ARNT2: variants seen among roughly 807,000 people sequenced by gnomAD.
ARNT2 encodes ARNT protein 2.
ARNT2 carries 36 observed loss-of-function variants against 91.7 expected under a neutral mutation model. The observed-to-expected ratio is 0.39, with a 90% CI of 0.30 to 0.52. The LOEUF is 0.52. Among genes scored for constraint, ARNT2 ranks in the 20% least tolerant of loss-of-function variants. The pLI is 0.72. For synonymous variants in ARNT2, 365 were observed against 347.1 expected (o/e 1.05, Z -0.57); for missense variants, 775 against 939.3 (o/e 0.83, Z 2.29).
intron 2 of ARNT2, among the ~76,000 whole-genome samples, chr15:80,454,046 C>T (rs1896445117): frequency 1.3e-5 from 2 of 152,236 alleles, no homozygotes; most frequent in African/African-American, 2.4e-5. Context: ...GTTTAACTTT[C>T]TTCCCATTTC....
chr15:80,413,432 G>A (rs886248330), intron 1 of ARNT2, among the ~76,000 whole-genome samples: 11 of 152,216 alleles, frequency 7.2e-5, no homozygotes, highest in South Asian at 2.1e-4. Flanking sequence ...GAGAGCATGC[G>A]GCCAGGTGAT....
chr15:80,548,228 G>A (rs1898021408), intron 8 of ARNT2, among the ~76,000 whole-genome samples: 1 of 152,086 alleles, frequency 6.6e-6, no homozygotes, highest in South Asian at 2.1e-4. Context: ...ATTAACCAAG[G>A]CATTAAAGAG....
At chr15:80,536,528 G>A (rs1314789084) in intron 8 of ARNT2, among the ~76,000 whole-genome samples, 1 of 152,202 alleles carries the variant, frequency 6.6e-6, no homozygotes, top group Non-Finnish European at 1.5e-5. Context: ...CACAGCTGCT[G>A]ATATTCACCC....
chr15:80,502,134 A>G (rs1182385730), intron 5 of ARNT2, among the ~76,000 whole-genome samples: 4 of 152,232 alleles, frequency 2.6e-5, no homozygotes, highest in Admixed American at 2.6e-4. Context: ...TAGGACATCA[A>G]GAATTCTGAC....
chr15:80,577,885 A>G (rs571059284), intron 15 of ARNT2, among the ~76,000 whole-genome samples: 1 of 152,276 alleles, frequency 6.6e-6, no homozygotes, highest in African/African-American at 2.4e-5. Context: ...CACTGCTCTG[A>G]GGCTCTGGGG....
In ARNT2 at chr15:80,404,980, A is replaced by G. The variant is rs1595948599; in HGVS notation, c.31+434A>G. 6.6e-6 allele frequency among the ~76,000 whole-genome samples: 1 copy of G among 152,078 alleles called. No individual in the cohort carries two copies. Among genetic ancestry groups the G allele is most frequent in the East Asian group, 1.9e-4 (1 of 5,146 alleles). On this transcript the variant is annotated intron_variant, in intron 1 of 18. Coordinates refer to ENST00000303329, the MANE Select transcript of ARNT2 (RefSeq NM_014862.4). The surrounding 1 kb of genome is among the most constrained non-coding windows in gnomAD (Gnocchi z 5.5). ...GGGAAAAGTTTGGAGCTGGGATTCA[A>G]CAGGGTACAACTCCCGGGACTCTCC... is the stretch of plus-strand genomic sequence containing the variant.
At chr15:80,533,866 G>A (rs1431974081) in intron 8 of ARNT2, among the ~76,000 whole-genome samples, 1 of 152,210 alleles carries the variant, frequency 6.6e-6, no homozygotes, top group Non-Finnish European at 1.5e-5. Flanking sequence ...CCCCAAGAGG[G>A]ACAGTTGTTG....
intron 5 of ARNT2, among the ~76,000 whole-genome samples, chr15:80,481,673 T>C (rs1896892201): frequency 1.3e-5 from 2 of 152,174 alleles, no homozygotes; most frequent in Non-Finnish European, 2.9e-5. Flanking sequence ...TGATTGTGCC[T>C]CTACACTCGA....
intron 1 of ARNT2, among the ~76,000 whole-genome samples, chr15:80,449,190 G>T (rs1896351274): frequency 1.3e-5 from 2 of 152,128 alleles, no homozygotes; most frequent in Admixed American, 1.3e-4. Context: ...CAAGAAAGGG[G>T]GTAAGTGCAC....
At chr15:80,534,341 A>T (rs1170153512) in intron 8 of ARNT2, among the ~76,000 whole-genome samples, 1 of 152,208 alleles carries the variant, frequency 6.6e-6, no homozygotes, top group Non-Finnish European at 1.5e-5. Context: ...TTTTTAAGAA[A>T]ATGATTACAA....
At chr15:80,520,078 C>T (rs928989366) in intron 8 of ARNT2, among the ~76,000 whole-genome samples, 1 of 151,464 alleles carries the variant, frequency 6.6e-6, no homozygotes, top group East Asian at 1.9e-4. Context: ...ACCCAGTTCC[C>T]AGTTTGACTT....
chr15:80,552,765 C>G lies in ARNT2; in HGVS notation c.1080C>G (p.Tyr360Ter). The change falls in exon 10 of 19, where the codon TAC (tyrosine) becomes TAG (stop). Residue 360 changes from tyrosine to a stop codon, truncating the protein, a stop_gained. Transcript: ENST00000303329. LOFTEE classifies it high-confidence loss of function. The stretch of plus-strand genomic sequence containing the variant: ...CAAGATGTATCAGTGTGATTGGCTA[C>G]CAACCCCAGGTGAGTAGATAGTTTT... ...VDPRCISVIG[Y>*]QPQDLLGKDI... The G allele has an allele frequency of 6.2e-7, 1 of 1,613,968 alleles. No individual in the cohort carries two copies. The highest frequency in any genetic ancestry group is 8.5e-7 in the Non-Finnish European group (1 of 1,179,918).
chr15:80,429,857 C>T (rs962579803), intron 1 of ARNT2, among the ~76,000 whole-genome samples: 1 of 152,188 alleles, frequency 6.6e-6, no homozygotes, highest in African/African-American at 2.4e-5. Context: ...CCCAACTAAG[C>T]TCTGTACCAC....
At chr15:80,563,275 C>T (rs1463775847) in intron 12 of ARNT2, 36 bp downstream of exon 12, 8 of 1,612,074 alleles carry the variant, frequency 5.0e-6, no homozygotes, top group Non-Finnish European at 5.9e-6. Flanking sequence ...CTGGAATCCA[C>T]ATGCGCTTGC....
rs146764503 is a variant in ARNT2, at chr15:80,470,558, A to G, written c.408+127A>G. The G allele has an allele frequency of 2.5e-5, 27 of 1,086,718 alleles. No individual in the cohort carries two copies. In the East Asian group the frequency reaches 3.6e-4, roughly 15 times the overall value. 67.3% of individuals were successfully genotyped at this position (1,086,718 alleles called of 1,614,324 possible). A position where few individuals can be genotyped will look rare whatever the true frequency, so the allele number is the denominator to read the frequency against. ...AATGAAGCCAACATGTTTTGTTTCCATTTTTCTCCAAGAAGCTGTCTTCAA... is the reference window on the plus strand; with the variant it reads ...AATGAAGCCAACATGTTTTGTTTCCGTTTTTCTCCAAGAAGCTGTCTTCAA... On this transcript the variant is annotated intron_variant, in intron 4 of 18. Coordinates refer to ENST00000303329, the MANE Select transcript of ARNT2 (RefSeq NM_014862.4).
At chr15:80,514,846 A>T (rs1020056530) in intron 8 of ARNT2, among the ~76,000 whole-genome samples, 2 of 152,170 alleles carry the variant, frequency 1.3e-5, no homozygotes, top group Non-Finnish European at 2.9e-5. Context: ...AGATTTCGCC[A>T]CTGTATTCCA....
chr15:80,466,385 A>G (rs1228369595), intron 3 of ARNT2, among the ~76,000 whole-genome samples: 1 of 152,138 alleles, frequency 6.6e-6, no homozygotes, highest in East Asian at 1.9e-4. Context: ...TGTCTTTGAA[A>G]CTGACAGCTC....
At chr15:80,562,979 C>T in intron 11 of ARNT2, 109 bp from the exon 12 acceptor site, 2 of 1,232,212 alleles carry the variant, frequency 1.6e-6, no homozygotes, top group Non-Finnish European at 2.4e-6. Flanking sequence ...TGCCCCTATT[C>T]TGAGGTCCTG....
chr15:80,522,760 C>CATATATATATATAT lies in ARNT2; in HGVS notation c.877+8362_877+8375dup, dbSNP rs60138286. 6.9e-3 allele frequency among the ~76,000 whole-genome samples: 994 copies of CATATATATATATAT among 144,452 alleles called. 9 individuals carry two copies. Among genetic ancestry groups the CATATATATATATAT allele is most frequent in the African/African-American group, 0.024 (938 of 38,794 alleles). The allele number at this position is 144,452 out of a possible 152,430, so 94.8% of individuals were successfully genotyped here. On this transcript the variant is annotated intron_variant, in intron 8 of 18. Transcript: ENST00000303329. Reference sequence around the variant, plus strand: ...TAATGACTGTGTGACTGTACATACACATATATATATATATATATATCTGTT... The same window carrying CATATATATATATAT: ...TAATGACTGTGTGACTGTACATACACATATATATATATATATATATATATATATATATATCTGTT...
Sources: gnomAD v4.1 joint callset for allele counts (sites outside exome capture counted in the v4.1 genomes callset) on GRCh38, gnomAD v4.1.1 for gene constraint, Gnocchi (gnomAD v3.1) non-coding constraint, MANE v1.5 for transcripts, NCBI Gene and HGNC (gene_info 2026-07-23, HGNC 2026-07-21) for gene names.